Variants in DNAJC10 observed in about 807,000 individuals in gnomAD.
DNAJC10 encodes the protein endoplasmic reticulum disulfide reductase DNAJC10.
Under a neutral mutation model 115.0 loss-of-function variants are expected in DNAJC10, and 101 were observed. The observed-to-expected ratio is 0.88, with a 90% CI of 0.75 to 1.04. The LOEUF is 1.04. Among genes scored for constraint, DNAJC10 ranks in the 50% least tolerant of loss-of-function variants. The probability of loss-of-function intolerance (pLI) is 0.00; values close to 1 mark genes in which losing one functional copy is unlikely to be tolerated. For missense variants in DNAJC10, 981 were observed against 928.8 expected (o/e 1.06, Z -0.73); for synonymous variants, 307 against 301.5 (o/e 1.02, Z -0.19).
intron 4 of DNAJC10, among the ~76,000 whole-genome samples, chr2:182,721,187 GTATTT>G (rs907646470): frequency 1.4e-4 from 21 of 152,018 alleles, no homozygotes; most frequent in Admixed American, 1.3e-3. Flanking sequence ...ACTAAATGAA[GTATTT>G]TAAATTTATA....
intron 22 of DNAJC10, among the ~76,000 whole-genome samples, chr2:182,765,051 C>T (rs1270351754): frequency 1.3e-5 from 2 of 152,114 alleles, no homozygotes; most frequent in African/African-American, 4.8e-5. Context: ...ATCGCCAGTC[C>T]GTACTCAGAC....
At chr2:182,764,920 T>C (rs1302888163) in intron 22 of DNAJC10, among the ~76,000 whole-genome samples, 1 of 152,176 alleles carries the variant, frequency 6.6e-6, no homozygotes, top group African/African-American at 2.4e-5. Flanking sequence ...TCCAATAGTC[T>C]GATCTGCAGA....
rs997065536 is a variant in DNAJC10 at position 182,787,430 on chromosome 2, C to G, written c.*10298C>G. The G allele has an allele frequency of 7.9e-5, 12 of 152,270 alleles. No homozygotes were observed. The East Asian group carries it at 1.7e-3, about 22-fold the overall frequency. The allele number at this position is 152,270 out of a possible 1,614,324, so 9.4% of individuals were successfully genotyped here. A position where few individuals can be genotyped will look rare whatever the true frequency, so the allele number is the denominator to read the frequency against. ...AGCTCTGCTATTCAAGAAGTTTATA[C>G]AAACCCGTAATGTACTACCAAACCG... On this transcript the variant is annotated 3_prime_UTR_variant, in exon 24 of 24. Coordinates refer to ENST00000264065, the MANE Select transcript of DNAJC10 (RefSeq NM_018981.4).
chr2:182,777,165 A>C lies in DNAJC10; in HGVS notation c.*33A>C. 2.3e-6 allele frequency: 3 copies of C among 1,328,778 alleles called. No homozygotes were observed. The highest frequency in any genetic ancestry group is 3.1e-6 in the Non-Finnish European group (3 of 979,748). The allele number at this position is 1,328,778 out of a possible 1,614,324, so 82.3% of individuals were successfully genotyped here. ...GAAGATGAAGAAAAAGTTTAAAAGA[A>C]ATTCTGACAGATGACATCAGAAGAC... is the stretch of plus-strand genomic sequence containing the variant. On this transcript the variant is annotated 3_prime_UTR_variant, in exon 24 of 24. Coordinates refer to ENST00000264065, the MANE Select transcript of DNAJC10 (RefSeq NM_018981.4).
In DNAJC10 at chr2:182,780,407, CT is replaced by C. The variant is rs1342947523; in HGVS notation, c.*3276del. 1 of 152,288 alleles carries C rather than the reference CT, an allele frequency of 6.6e-6. No individual in the cohort carries two copies. Among genetic ancestry groups the C allele is most frequent in the Non-Finnish European group, 1.5e-5 (1 of 68,124 alleles). 9.4% of individuals were successfully genotyped at this position (152,288 alleles called of 1,614,324 possible). A position where few individuals can be genotyped will look rare whatever the true frequency, so the allele number is the denominator to read the frequency against. On this transcript the variant is annotated 3_prime_UTR_variant, in exon 24 of 24. Coordinates refer to ENST00000264065, the MANE Select transcript of DNAJC10 (RefSeq NM_018981.4). Reference sequence around the variant, plus strand: ...GCTCCTTCTCTGTGTGACATGCCTTCTCCCCCCGTGCCTTCTGCCATGAGTA... The same window carrying C: ...GCTCCTTCTCTGTGTGACATGCCTTCCCCCCCGTGCCTTCTGCCATGAGTA...
chr2:182,752,664 A>T, intron 16 of DNAJC10: 1 of 603,300 alleles, frequency 1.7e-6, no homozygotes, highest in Non-Finnish European at 2.1e-6. Flanking sequence ...ACTAAAAATT[A>T]TATACCGTAG....
Position 182,729,923 on chromosome 2 carries a change from G to T in DNAJC10, c.709G>T (p.Val237Leu). 6.2e-7 allele frequency: 1 copy of T among 1,605,544 alleles called. No individual in the cohort carries two copies. Among genetic ancestry groups the T allele is most frequent in the Non-Finnish European group, 8.5e-7 (1 of 1,175,254 alleles). ...TGCAATGCAGCATGTTAGAAGTACAGTGACAGAACTTTGGACAGGTAATTT... is the reference window on the plus strand; with the variant it reads ...TGCAATGCAGCATGTTAGAAGTACATTGACAGAACTTTGGACAGGTAATTT... ...SFAMQHVRST[V>L]TELWTGNFVN... is the part of the protein sequence containing the mutation. Residue 237 changes from valine (V) to leucine (L), a missense_variant, in exon 8 of 24, where the codon GTG (valine) becomes TTG (leucine). Transcript: ENST00000264065.
chr2:182,727,145 T>A (rs1693308475), intron 5 of DNAJC10, among the ~76,000 whole-genome samples: 1 of 152,122 alleles, frequency 6.6e-6, no homozygotes, highest in African/African-American at 2.4e-5. Context: ...CCAGAAAATT[T>A]GTGTGACTCC....
intron 23 of DNAJC10, 58 bp downstream of exon 23, chr2:182,775,478 AT>A: frequency 9.2e-7 from 1 of 1,087,314 alleles, no homozygotes; most frequent in Non-Finnish European, 1.4e-6. Context: ...AGCAAAATCT[AT>A]TTTTCCTATA....
At chr2:182,729,151 A>G in intron 7 of DNAJC10, 157 bp downstream of exon 7, 1 of 805,134 alleles carries the variant, frequency 1.2e-6, no homozygotes, top group Non-Finnish European at 1.9e-6. Flanking sequence ...ATTTTGGATT[A>G]TGAATTTTTT....
chr2:182,736,832 C>G (rs975477112), intron 11 of DNAJC10, among the ~76,000 whole-genome samples: 1 of 152,134 alleles, frequency 6.6e-6, no homozygotes. Flanking sequence ...TCGGTGCAAC[C>G]TCTGCCTCCT....
At chr2:182,729,329 A>G (rs1332981407) in intron 7 of DNAJC10, among the ~76,000 whole-genome samples, 1 of 152,050 alleles carries the variant, frequency 6.6e-6, no homozygotes. Context: ...TTGTATTTTT[A>G]GTAGAGACGG....
chr2:182,739,344 T>A (rs1302253205), intron 11 of DNAJC10, among the ~76,000 whole-genome samples: 1 of 151,318 alleles, frequency 6.6e-6, no homozygotes, highest in Non-Finnish European at 1.5e-5. Flanking sequence ...AGCCATATGT[T>A]TGTTCTCATG....
Position 182,777,188 on chromosome 2 carries a change from G to T in DNAJC10, c.*56G>T. ...GAAATTCTGACAGATGACATCAGAA[G>T]ACACCTATTTAGAATGTTACATTTA... On this transcript the variant is annotated 3_prime_UTR_variant, in exon 24 of 24. Transcript: ENST00000264065. 1 of 1,108,532 alleles carries T rather than the reference G, an allele frequency of 9.0e-7. No individual in the cohort carries two copies. Among genetic ancestry groups the T allele is most frequent in the South Asian group, 2.1e-5 (1 of 48,130 alleles). The allele number at this position is 1,108,532 out of a possible 1,614,324, so 68.7% of individuals were successfully genotyped here. A position where few individuals can be genotyped will look rare whatever the true frequency, so the allele number is the denominator to read the frequency against.
At chr2:182,768,197 G>C (rs1245690707) in intron 22 of DNAJC10, among the ~76,000 whole-genome samples, 1 of 152,068 alleles carries the variant, frequency 6.6e-6, no homozygotes, top group African/African-American at 2.4e-5. Flanking sequence ...TCTAGAGCAA[G>C]CAGAACTTGA....
At chr2:182,776,434 CAA>C (rs1381418280) in intron 23 of DNAJC10, among the ~76,000 whole-genome samples, 2 of 152,106 alleles carry the variant, frequency 1.3e-5, no homozygotes, top group African/African-American at 2.4e-5. Context: ...AAAAACAGAA[CAA>C]AGAGTCTATG....
chr2:182,725,323 A>G (rs1362859801), intron 5 of DNAJC10, among the ~76,000 whole-genome samples: 1 of 152,212 alleles, frequency 6.6e-6, no homozygotes, highest in African/African-American at 2.4e-5. Context: ...TTGAAGTGGA[A>G]GAGATGCACA....
intron 5 of DNAJC10, among the ~76,000 whole-genome samples, chr2:182,724,752 A>G (rs1693239693): frequency 6.6e-6 from 1 of 152,208 alleles, no homozygotes; most frequent in Non-Finnish European, 1.5e-5. Context: ...TGCATTTTGA[A>G]ATGTAATAAT....
At chr2:182,738,952 C>A (rs952203676) in intron 11 of DNAJC10, among the ~76,000 whole-genome samples, 1 of 151,884 alleles carries the variant, frequency 6.6e-6, no homozygotes, top group Non-Finnish European at 1.5e-5. Flanking sequence ...AACAAATTCT[C>A]CTCTAACAGA....
Sources: gnomAD v4.1 joint callset for allele counts (sites outside exome capture counted in the v4.1 genomes callset) on GRCh38, gnomAD v4.1.1 for gene constraint, MANE v1.5 for transcripts, NCBI Gene and HGNC (gene_info 2026-07-23, HGNC 2026-07-21) for gene names.